The following KCNN4 variants were observed in gnomAD, a reference collection of about 807,000 sequenced individuals.
KCNN4 encodes the protein potassium calcium-activated channel subfamily N member 4.
A neutral mutation model predicts 45.2 loss-of-function variants in KCNN4; 31 were observed. The observed-to-expected ratio is 0.69, with a 90% CI of 0.52 to 0.92. The LOEUF (loss-of-function observed/expected upper bound fraction) is 0.92, where lower values mean the gene tolerates loss of function less well. Among genes scored for constraint, KCNN4 ranks in the 40% least tolerant of loss-of-function variants. The pLI, the probability that KCNN4 is intolerant of heterozygous loss-of-function variation, is 0.00. For synonymous variants in KCNN4, 231 were observed against 254.6 expected (o/e 0.91, Z 0.88); for missense variants, 463 against 574.0 (o/e 0.81, Z 1.98).
chr19:43,775,597 G>A (rs773932383), intron 2 of KCNN4, among the ~76,000 whole-genome samples: 13 of 152,280 alleles, frequency 8.5e-5, no homozygotes, highest in Non-Finnish European at 1.6e-4. Context: ...TATGTGCCAG[G>A]CACTGCTCAT....
At position 43,766,711 on chromosome 19, in the gene KCNN4, G is replaced by GT. The variant is rs1312673698; in HGVS notation, c.*381dup. The GT allele has an allele frequency of 1.3e-5, 2 of 152,576 alleles. No individual in the cohort carries two copies. Among genetic ancestry groups the GT allele is most frequent in the African/African-American group, 4.8e-5 (2 of 41,428 alleles). 9.5% of individuals were successfully genotyped at this position (152,576 alleles called of 1,614,324 possible). A position where few individuals can be genotyped will look rare whatever the true frequency, so the allele number is the denominator to read the frequency against. On this transcript the variant is annotated 3_prime_UTR_variant, in exon 9 of 9. Transcript: ENST00000648319. ...ACCCAGTTCTTCAGCTCGGCCAGCG[G>GT]TAACTGAAGCCTCCCAGAATCCTGG... is the stretch of plus-strand genomic sequence containing the variant.
intron 1 of KCNN4, among the ~76,000 whole-genome samples, chr19:43,779,776 CCTT>C (rs1193773036): frequency 3.3e-5 from 5 of 152,090 alleles, no homozygotes; most frequent in African/African-American, 1.2e-4. Flanking sequence ...ACCCCCTTCT[CCTT>C]AAGACTCAGG....
chr19:43,770,306 C>T (rs550928281), intron 4 of KCNN4, among the ~76,000 whole-genome samples: 4 of 152,298 alleles, frequency 2.6e-5, no homozygotes, highest in East Asian at 1.9e-4. Flanking sequence ...CTGGCCTGAA[C>T]GTCTCAGCCT....
chr19:43,780,272 C>T (rs897295456), intron 1 of KCNN4, among the ~76,000 whole-genome samples: 14 of 151,982 alleles, frequency 9.2e-5, no homozygotes, highest in African/African-American at 3.4e-4. Context: ...AGAGAAGGAC[C>T]CCAGCAACTG....
chr19:43,778,694 C>T (rs1969885343), intron 1 of KCNN4, among the ~76,000 whole-genome samples: 1 of 152,150 alleles, frequency 6.6e-6, no homozygotes, highest in African/African-American at 2.4e-5. Context: ...CTCTGTGTCT[C>T]TGTCTCTCTC....
chr19:43,780,838 G>A lies in KCNN4; in HGVS notation c.24C>T (p.Gly8=). Residue 8 remains glycine, a synonymous_variant, in exon 1 of 9, where the codon GGC becomes GGT. Transcript: ENST00000648319. MGGDLVL[G]LGALRRRKRL... ...GCTTTCGGCGTCTCAAGGCCCCCAG[G>A]CCAAGCACCAGATCCCCGCCCATGG... The A allele has an allele frequency of 6.2e-7, 1 of 1,613,974 alleles. No individual in the cohort carries two copies. Among genetic ancestry groups the A allele is most frequent in the African/African-American group, 1.3e-5 (1 of 75,002 alleles).
chr19:43,767,802 T>A, intron 7 of KCNN4, 95 bp from the exon 8 acceptor site: 4 of 1,426,898 alleles, frequency 2.8e-6, no homozygotes, highest in Non-Finnish European at 3.9e-6. Flanking sequence ...GACCACATCC[T>A]TATGGTCCTC....
chr19:43,776,686 C>T, intron 1 of KCNN4, 50 bp from the exon 2 acceptor site: 5 of 1,153,094 alleles, frequency 4.3e-6, no homozygotes, highest in Non-Finnish European at 6.6e-6. Flanking sequence ...TCTCCCTCCG[C>T]CTGGCCCTCC....
intron 2 of KCNN4, among the ~76,000 whole-genome samples, chr19:43,775,383 C>T (rs529708548): frequency 1.5e-4 from 23 of 152,284 alleles, no homozygotes; most frequent in Middle Eastern, 3.4e-3. Flanking sequence ...ACCGTGGATA[C>T]GCCAGGTACT....
intron 1 of KCNN4, among the ~76,000 whole-genome samples, chr19:43,778,566 T>G (rs12611069): frequency 0.35 from 52,783 of 152,084 alleles, 9,198 homozygotes; most frequent in East Asian, 0.39. Flanking sequence ...ACGCTGTGTG[T>G]GTATCTCTCA....
At chr19:43,775,005 A>G (rs1969759289) in intron 2 of KCNN4, among the ~76,000 whole-genome samples, 1 of 152,208 alleles carries the variant, frequency 6.6e-6, no homozygotes, top group South Asian at 2.1e-4. Context: ...TGACACGCGT[A>G]ATAACTGTAA....
rs1320154182 is a variant in KCNN4 at position 43,768,962 on chromosome 19, C to T, written c.1119+1G>A. On this transcript the variant is annotated splice_donor_variant, in intron 7 of 8. Transcript: ENST00000648319. LOFTEE classifies it high-confidence loss of function. ...GACCTCCTCCCACGGGATCCTAGTA[C>T]CTTGGAGATGTCCACCATGGAGTTC... 1 of 1,614,032 alleles carries T rather than the reference C, an allele frequency of 6.2e-7. No homozygotes were observed. Among genetic ancestry groups the T allele is most frequent in the Non-Finnish European group, 8.5e-7 (1 of 1,180,012 alleles).
intron 1 of KCNN4, among the ~76,000 whole-genome samples, chr19:43,778,557 C>T (rs777198851): frequency 1.3e-5 from 2 of 152,168 alleles, no homozygotes; most frequent in Non-Finnish European, 2.9e-5. Flanking sequence ...TCTTTTCTAA[C>T]GCTGTGTGTG....
In KCNN4 at chr19:43,774,181, A is replaced by G. The variant is rs1599677045; in HGVS notation, c.683+11T>C. The G allele has an allele frequency of 6.2e-7, 1 of 1,604,534 alleles. No homozygotes were observed. Among genetic ancestry groups the G allele is most frequent in the African/African-American group, 1.3e-5 (1 of 74,862 alleles). On this transcript the variant is annotated intron_variant, in intron 3 of 8. Coordinates refer to ENST00000648319, the MANE Select transcript of KCNN4 (RefSeq NM_002250.3). The surrounding 1 kb of genome is among the most constrained non-coding windows in gnomAD (Gnocchi z 5.6). ...TTCCCCCCTGCGCATTTATGCCTCC[A>G]TCACCCTCACCTCTCGGCCACGGAC...
chr19:43,774,560 C>A lies in KCNN4; in HGVS notation c.315G>T (p.Ala105=). Residue 105 remains alanine, a synonymous_variant, in exon 3 of 9, where the codon GCG becomes GCT. Transcript: ENST00000648319. This position sits in a 1 kb window ranked among gnomAD's most constrained non-coding sequence, Gnocchi z 5.6. ...DWRVALTGRQ[A]AQIVLELVVC... ...CCACCAGCTCCAGCACGATCTGCGCCGCCTGCCGCCCGGTCAGCGCCACGC... is the reference window on the plus strand; with the variant it reads ...CCACCAGCTCCAGCACGATCTGCGCAGCCTGCCGCCCGGTCAGCGCCACGC... 6.4e-7 allele frequency: 1 copy of A among 1,557,958 alleles called. No homozygotes were observed. Among genetic ancestry groups the A allele is most frequent in the Non-Finnish European group, 8.6e-7 (1 of 1,160,808 alleles).
chr19:43,768,356 C>T (rs1335628092), intron 7 of KCNN4, among the ~76,000 whole-genome samples: 1 of 152,214 alleles, frequency 6.6e-6, no homozygotes, highest in African/African-American at 2.4e-5. Flanking sequence ...ACCAGATAAG[C>T]AGAAGATGCT....
chr19:43,778,161 T>C (rs930594059), intron 1 of KCNN4, among the ~76,000 whole-genome samples: 1 of 152,234 alleles, frequency 6.6e-6, no homozygotes, highest in African/African-American at 2.4e-5. Context: ...CTTGGGCCTG[T>C]ACTCTGTTCT....
rs1969668135 is a variant in KCNN4 at position 43,772,410 on chromosome 19, T to C, written c.684-275A>G. Among the ~76,000 whole-genome samples the C allele has an allele frequency of 6.6e-6, 1 of 152,162 alleles. No homozygotes were observed. Among genetic ancestry groups the C allele is most frequent in the African/African-American group, 2.4e-5 (1 of 41,416 alleles). ...GGTCTGGCCAATCCCAATGCCGGTA[T>C]GGTCTCAGCTAGGCTACCCGGGCTG... On this transcript the variant is annotated intron_variant, in intron 3 of 8. Coordinates refer to ENST00000648319, the MANE Select transcript of KCNN4 (RefSeq NM_002250.3). The surrounding 1 kb of genome is among the most constrained non-coding windows in gnomAD (Gnocchi z 4.4).
chr19:43,778,325 C>T (rs932035583), intron 1 of KCNN4, among the ~76,000 whole-genome samples: 14 of 152,258 alleles, frequency 9.2e-5, no homozygotes, highest in East Asian at 7.7e-4. Flanking sequence ...TTGCAAGCTC[C>T]GCCTCCTGGG....
Sources: gnomAD v4.1 joint callset for allele counts (sites outside exome capture counted in the v4.1 genomes callset) on GRCh38, gnomAD v4.1.1 for gene constraint, Gnocchi (gnomAD v3.1) non-coding constraint, MANE v1.5 for transcripts, NCBI Gene and HGNC (gene_info 2026-07-23, HGNC 2026-07-21) for gene names.